NLGN1: variants seen among roughly 807,000 people sequenced by gnomAD.
NLGN1 encodes neuroligin 1, also known as neuroligin-1.
In NLGN1, 12 loss-of-function variants were observed where a neutral mutation model predicts 65.5. That is an observed-to-expected ratio of 0.18 (90% CI 0.12 to 0.30). The LOEUF (loss-of-function observed/expected upper bound fraction) is 0.30, where lower values mean the gene tolerates loss of function less well. NLGN1 is among the 10% of genes least tolerant of loss of function. NLGN1 has a pLI of 1.00. For synonymous variants in NLGN1, 350 were observed against 359.5 expected (o/e 0.97, Z 0.30); for missense variants, 750 against 1,007.1 (o/e 0.74, Z 3.46).
intron 4 of NLGN1, among the ~76,000 whole-genome samples, chr3:173,828,752 A>G (rs1721871190): frequency 6.6e-6 from 1 of 152,142 alleles, no homozygotes; most frequent in Non-Finnish European, 1.5e-5. Flanking sequence ...TCATGTTGAT[A>G]TCTGAGGGAA....
chr3:174,278,863 C>T (rs79898729), exon 6 of NLGN1: 1 of 1,474,150 alleles, frequency 6.8e-7, no homozygotes, highest in Non-Finnish European at 9.0e-7. Context: ...TCCCATAGGA[C>T]TTTTTCAACG....
chr3:173,889,847 T>C (rs75100681), intron 4 of NLGN1, among the ~76,000 whole-genome samples: 2,385 of 152,248 alleles, frequency 0.016, 62 homozygotes, highest in African/African-American at 0.051. Flanking sequence ...GAAACACCAC[T>C]GTGAACTTCA....
chr3:173,820,468 G>T, intron 4 of NLGN1, among the ~76,000 whole-genome samples: 1 of 152,264 alleles, frequency 6.6e-6, no homozygotes, highest in South Asian at 2.1e-4. Context: ...TTAAAATGCA[G>T]TAATCCCCCC....
chr3:173,758,064 G>A (rs188494232), intron 3 of NLGN1, among the ~76,000 whole-genome samples: 117 of 152,108 alleles, frequency 7.7e-4, no homozygotes, highest in Non-Finnish European at 1.5e-3. Flanking sequence ...GGTCGTAAGA[G>A]TAGGGTCCTT....
At chr3:173,955,317 A>C (rs1168658512) in intron 4 of NLGN1, among the ~76,000 whole-genome samples, 1 of 152,170 alleles carries the variant, frequency 6.6e-6, no homozygotes, top group East Asian at 1.9e-4. Context: ...GTTCTCTCTC[A>C]GGGAGAAAAA....
chr3:173,484,225 A>T (rs1319331517), intron 2 of NLGN1, among the ~76,000 whole-genome samples: 1 of 152,100 alleles, frequency 6.6e-6, no homozygotes, highest in Non-Finnish European at 1.5e-5. Context: ...TGATGCTGGG[A>T]TATTTTACCA....
At chr3:174,175,717 C>T (rs1343465274) in intron 4 of NLGN1, among the ~76,000 whole-genome samples, 4 of 151,812 alleles carry the variant, frequency 2.6e-5, no homozygotes, top group Non-Finnish European at 5.9e-5. Flanking sequence ...TTGTGAGGTA[C>T]AATTTTTTTC....
intron 4 of NLGN1, among the ~76,000 whole-genome samples, chr3:174,077,646 C>T (rs550707003): frequency 6.6e-6 from 1 of 152,078 alleles, no homozygotes; most frequent in Admixed American, 6.6e-5. Context: ...GCCTCCGCCT[C>T]CCGGGTTCAA....
intron 4 of NLGN1, among the ~76,000 whole-genome samples, chr3:174,137,972 A>G (rs1308156858): frequency 6.6e-6 from 1 of 152,202 alleles, no homozygotes. Flanking sequence ...TTAGCATAGA[A>G]GAAATTGATC....
At chr3:173,790,947 C>G (rs1712582966) in intron 3 of NLGN1, among the ~76,000 whole-genome samples, 1 of 152,084 alleles carries the variant, frequency 6.6e-6, no homozygotes, top group Non-Finnish European at 1.5e-5. Flanking sequence ...TCTCTAAGCC[C>G]TTTATGACAC....
exon 7 of NLGN1, chr3:174,284,304 A>C (rs1007977969): frequency 1.3e-5 from 2 of 151,140 alleles, no homozygotes; most frequent in African/African-American, 4.9e-5. Context: ...CACATTATAC[A>C]GAACATTAAG....
rs534617881 is a variant in NLGN1, at chr3:173,873,150, G to T, written c.646+65318G>T. Among the ~76,000 whole-genome samples, 3 of 151,384 alleles carry T rather than the reference G, an allele frequency of 2.0e-5. No individual in the cohort carries two copies. In the South Asian group the frequency reaches 6.3e-4, roughly 32 times the overall value. ...GCTGCCCAGGCTGGAGTGCAGTGGCGCTATGTCAGCTCACTGCAACCTCTG... is the reference window on the plus strand; with the variant it reads ...GCTGCCCAGGCTGGAGTGCAGTGGCTCTATGTCAGCTCACTGCAACCTCTG... On this transcript the variant is annotated intron_variant, in intron 4 of 6. Coordinates refer to ENST00000457714, the Ensembl canonical transcript of NLGN1.
chr3:173,591,607 A>C (rs751669291), intron 2 of NLGN1, among the ~76,000 whole-genome samples: 2 of 152,160 alleles, frequency 1.3e-5, no homozygotes, highest in African/African-American at 2.4e-5. Context: ...GTCAAGATTG[A>C]CACACCCTGG....
At chr3:174,083,816 G>A (rs1742734466) in intron 4 of NLGN1, among the ~76,000 whole-genome samples, 1 of 151,798 alleles carries the variant, frequency 6.6e-6, no homozygotes, top group Non-Finnish European at 1.5e-5. Context: ...AAAAAATGGT[G>A]GCCATTGGAA....
intron 4 of NLGN1, among the ~76,000 whole-genome samples, chr3:174,174,093 T>C (rs1729020412): frequency 6.6e-6 from 1 of 152,122 alleles, no homozygotes; most frequent in African/African-American, 2.4e-5. Context: ...ATTCCATTCG[T>C]GAGTTACTTC....
At chr3:173,861,833 A>G (rs1402090972) in intron 4 of NLGN1, among the ~76,000 whole-genome samples, 1 of 150,514 alleles carries the variant, frequency 6.6e-6, no homozygotes, top group Non-Finnish European at 1.5e-5. Flanking sequence ...ATCTCGGCTC[A>G]CTGCAGCCTC....
chr3:173,841,700 G>A (rs977448480), intron 4 of NLGN1, among the ~76,000 whole-genome samples: 14 of 152,156 alleles, frequency 9.2e-5, no homozygotes, highest in Admixed American at 7.2e-4. Flanking sequence ...AACTGTAGAA[G>A]TAGAGGAGTC....
chr3:174,107,013 C>CAGAGAGAG (rs1459688744), intron 4 of NLGN1, among the ~76,000 whole-genome samples: 15 of 100,568 alleles, frequency 1.5e-4, no homozygotes, highest in Admixed American at 1.9e-4. Flanking sequence ...CACACACACA[C>CAGAGAGAG]ACACAGAGAG....
intron 4 of NLGN1, among the ~76,000 whole-genome samples, chr3:174,246,442 C>T (rs1161002101): frequency 6.6e-6 from 1 of 152,152 alleles, no homozygotes; most frequent in Non-Finnish European, 1.5e-5. Context: ...AAAATAGAGA[C>T]AGGTTCTCAC....
Sources: allele counts gnomAD v4.1 joint callset (sites outside exome capture counted in the v4.1 genomes callset), GRCh38; gene constraint gnomAD v4.1.1; transcripts MANE v1.5; gene names NCBI Gene and HGNC (gene_info 2026-07-23, HGNC 2026-07-21).